Variants in SIN3A observed in about 807,000 individuals in gnomAD.
SIN3A encodes the protein SIN3 transcription regulator family member A.
Under a neutral mutation model 146.1 loss-of-function variants are expected in SIN3A, and 14 were observed. The ratio of observed to expected loss-of-function variants is 0.10; its 90% CI spans 0.06 to 0.15. SIN3A has a LOEUF of 0.15. SIN3A is among the 10% of genes least tolerant of loss of function. The pLI is 1.00. For missense variants in SIN3A, 1,028 were observed against 1,576.0 expected (o/e 0.65, Z 5.89); for synonymous variants, 572 against 572.0 (o/e 1.00, Z 0.00).
chr15:75,446,061 G>C (rs78474304), intron 1 of SIN3A, among the ~76,000 whole-genome samples: 3,448 of 152,222 alleles, frequency 0.023, 53 homozygotes, highest in South Asian at 0.038. Context: ...TTAGGAGCTG[G>C]AGATACAACG....
chr15:75,379,563 G>A (rs1394300237), intron 19 of SIN3A, among the ~76,000 whole-genome samples: 1 of 152,220 alleles, frequency 6.6e-6, no homozygotes, highest in Admixed American at 6.5e-5. Context: ...TTGTTGAGAG[G>A]AACCTGACAC....
intron 17 of SIN3A, 137 bp downstream of exon 17, chr15:75,384,127 G>A (rs1399627103): frequency 3.8e-6 from 2 of 523,244 alleles, no homozygotes; most frequent in East Asian, 6.4e-5. Flanking sequence ...CCACTTTGTA[G>A]TTCTCTGGTG....
At chr15:75,383,552 G>A (rs1436458942) in intron 17 of SIN3A, among the ~76,000 whole-genome samples, 4 of 146,086 alleles carry the variant, frequency 2.7e-5, no homozygotes, top group Admixed American at 1.4e-4. Flanking sequence ...TTTTTGAGAC[G>A]GAGTCTCGCT....
At chr15:75,414,948 A>G (rs948618623) in intron 3 of SIN3A, among the ~76,000 whole-genome samples, 9 of 152,216 alleles carry the variant, frequency 5.9e-5, no homozygotes, top group African/African-American at 2.2e-4. Flanking sequence ...GTTTGGCTGG[A>G]GGATCTGTAG....
At chr15:75,382,175 C>T (rs2072984748) in intron 17 of SIN3A, among the ~76,000 whole-genome samples, 1 of 152,164 alleles carries the variant, frequency 6.6e-6, no homozygotes, top group African/African-American at 2.4e-5. Flanking sequence ...TACACAGAGA[C>T]AAAACTGAAA....
intron 12 of SIN3A, among the ~76,000 whole-genome samples, chr15:75,399,011 A>G (rs529158556): frequency 6.6e-6 from 1 of 151,434 alleles, no homozygotes; most frequent in East Asian, 1.9e-4. Context: ...CGTTCTGCAC[A>G]TGTATCCCAG....
intron 16 of SIN3A, 40 bp downstream of exon 16, chr15:75,389,612 T>C (rs774130461): frequency 6.3e-6 from 10 of 1,599,374 alleles, no homozygotes; most frequent in Admixed American, 1.7e-5. Flanking sequence ...TAGGTAAGGA[T>C]TTCTTCCCTT....
At chr15:75,442,738 T>G (rs1037936023) in intron 1 of SIN3A, among the ~76,000 whole-genome samples, 2 of 151,588 alleles carry the variant, frequency 1.3e-5, no homozygotes, top group Non-Finnish European at 2.9e-5. Context: ...AAGACCAGCC[T>G]GACCAACATG....
At chr15:75,414,628 T>C (rs2073700630) in intron 3 of SIN3A, among the ~76,000 whole-genome samples, 1 of 152,212 alleles carries the variant, frequency 6.6e-6, no homozygotes, top group African/African-American at 2.4e-5. Context: ...AGGCCCAATG[T>C]GAGTACCAAG....
upstream of SIN3A, among the ~76,000 whole-genome samples, chr15:75,452,529 G>T (rs1004963510): frequency 2.0e-5 from 3 of 152,194 alleles, no homozygotes; most frequent in Non-Finnish European, 2.9e-5. Flanking sequence ...ACAAATATCC[G>T]GAGCAGCTGG....
intron 9 of SIN3A, among the ~76,000 whole-genome samples, chr15:75,404,376 A>C (rs1414376540): frequency 6.6e-6 from 1 of 152,232 alleles, no homozygotes; most frequent in African/African-American, 2.4e-5. Context: ...TGTTTCATCT[A>C]TACTTACTTC....
At position 75,371,538 on chromosome 15, in the gene SIN3A, A is replaced by G. The variant is rs577132088; in HGVS notation, c.*441T>C. 1 of 159,846 alleles carries G rather than the reference A, an allele frequency of 6.3e-6. No homozygotes were observed. The highest frequency in any genetic ancestry group is 1.4e-5 in the Non-Finnish European group (1 of 73,142). 9.9% of individuals were successfully genotyped at this position (159,846 alleles called of 1,614,324 possible). A position where few individuals can be genotyped will look rare whatever the true frequency, so the allele number is the denominator to read the frequency against. ...TTGTGGGGAGGGGAGAGGAGCAGTG[A>G]CCATGATAGTTCCAATCCATCTGAG... On this transcript the variant is annotated 3_prime_UTR_variant, in exon 21 of 21. Transcript: ENST00000394947.
In SIN3A at chr15:75,416,388, C is replaced by T. The variant is rs187907064; in HGVS notation, c.367-2077G>A. ...TTGCCCAGGCTGGAGTGCAGTGGTG[C>T]GATCTTGGCTCACTGTAACCTCTGC... is the stretch of plus-strand genomic sequence containing the variant. On this transcript the variant is annotated intron_variant, in intron 3 of 20. Coordinates refer to ENST00000394947, the MANE Select transcript of SIN3A (RefSeq NM_001145358.2). Among the ~76,000 whole-genome samples, 979 of 152,228 alleles carry T rather than the reference C, an allele frequency of 6.4e-3. 7 individuals carry two copies. The highest frequency in any genetic ancestry group is 0.021 in the African/African-American group (876 of 41,508).
chr15:75,441,132 A>T (rs1567422090), intron 1 of SIN3A, among the ~76,000 whole-genome samples: 1 of 151,838 alleles, frequency 6.6e-6, no homozygotes, highest in Non-Finnish European at 1.5e-5. Flanking sequence ...ACATGGTGAA[A>T]CCCCATCTCT....
intron 16 of SIN3A, among the ~76,000 whole-genome samples, chr15:75,387,868 T>C (rs1258696206): frequency 6.6e-6 from 1 of 152,172 alleles, no homozygotes; most frequent in African/African-American, 2.4e-5. Context: ...TGGGTGACTA[T>C]GTATCCATCT....
intron 12 of SIN3A, among the ~76,000 whole-genome samples, chr15:75,398,577 C>G (rs911628138): frequency 6.6e-6 from 1 of 152,040 alleles, no homozygotes; most frequent in East Asian, 1.9e-4. Context: ...ACTTGGGAGG[C>G]TGAGGCAGGA....
intron 9 of SIN3A, among the ~76,000 whole-genome samples, chr15:75,404,805 A>C (rs1461833794): frequency 6.6e-6 from 1 of 151,676 alleles, no homozygotes; most frequent in African/African-American, 2.4e-5. Context: ...AAAACAAAAA[A>C]CCCATTACTC....
chr15:75,428,167 T>C (rs2073959217), intron 2 of SIN3A, among the ~76,000 whole-genome samples: 1 of 152,178 alleles, frequency 6.6e-6, no homozygotes, highest in Non-Finnish European at 1.5e-5. Flanking sequence ...TTGCTAAAGA[T>C]GCATATACCC....
intron 15 of SIN3A, among the ~76,000 whole-genome samples, chr15:75,390,806 C>T (rs1271495709): frequency 6.6e-6 from 1 of 152,150 alleles, no homozygotes; most frequent in Non-Finnish European, 1.5e-5. Flanking sequence ...AAACTCCTGG[C>T]CTCAAGTGAT....
Sources: gnomAD v4.1 joint callset for allele counts (sites outside exome capture counted in the v4.1 genomes callset) on GRCh38, gnomAD v4.1.1 for gene constraint, MANE v1.5 for transcripts, NCBI Gene and HGNC (gene_info 2026-07-23, HGNC 2026-07-21) for gene names.